Variants in CDH13 observed in about 807,000 individuals in gnomAD.
CDH13 encodes the protein cadherin 13.
In CDH13, 24 loss-of-function variants were observed where a neutral mutation model predicts 63.8. That is an observed-to-expected ratio of 0.38 (90% CI 0.27 to 0.53). CDH13 has a LOEUF of 0.53. Ranked by LOEUF, CDH13 falls within the 20% of genes least tolerant of loss-of-function variation. CDH13 has a pLI of 0.85. For missense variants in CDH13, 1,049 were observed against 903.1 expected (o/e 1.16, Z -2.07); for synonymous variants, 503 against 355.3 (o/e 1.42, Z -4.67).
intron 6 of CDH13, among the ~76,000 whole-genome samples, chr16:83,417,540 G>A (rs2071586825): frequency 6.6e-6 from 1 of 152,090 alleles, no homozygotes; most frequent in South Asian, 2.1e-4. Context: ...CACCTCAGTT[G>A]CCATTTGGAA....
chr16:83,521,053 G>C (rs1359782576), intron 7 of CDH13, among the ~76,000 whole-genome samples: 1 of 152,056 alleles, frequency 6.6e-6, no homozygotes, highest in African/African-American at 2.4e-5. Context: ...TATACTTCAT[G>C]TGCTTTTTAA....
intron 2 of CDH13, among the ~76,000 whole-genome samples, chr16:82,945,402 G>A (rs78405329): frequency 1.6e-3 from 246 of 152,282 alleles, no homozygotes; most frequent in Non-Finnish European, 2.8e-3. Flanking sequence ...GATCAAGTAC[G>A]AAATGGATAT....
chr16:82,889,312 C>A (rs1567633313), intron 2 of CDH13, among the ~76,000 whole-genome samples: 1 of 152,070 alleles, frequency 6.6e-6, no homozygotes, highest in East Asian at 1.9e-4. Flanking sequence ...CTCTCTCTCT[C>A]TCTCTCTCTC....
At chr16:83,422,969 T>C (rs2071761555) in intron 6 of CDH13, among the ~76,000 whole-genome samples, 1 of 152,206 alleles carries the variant, frequency 6.6e-6, no homozygotes, top group East Asian at 1.9e-4. Context: ...TGCCAAATAC[T>C]AGGAATACAA....
intron 6 of CDH13, among the ~76,000 whole-genome samples, chr16:83,384,011 C>T (rs954233658): frequency 5.9e-5 from 9 of 152,144 alleles, no homozygotes; most frequent in African/African-American, 2.2e-4. Context: ...CACATATATA[C>T]ACATGGGTAC....
chr16:83,521,684 G>A (rs994511569), intron 7 of CDH13, among the ~76,000 whole-genome samples: 8 of 152,134 alleles, frequency 5.3e-5, no homozygotes, highest in Non-Finnish European at 8.8e-5. Context: ...AGCCACCCCC[G>A]GAAAAGAACA....
chr16:82,957,194 C>G (rs1046494429), intron 2 of CDH13, among the ~76,000 whole-genome samples: 2 of 152,190 alleles, frequency 1.3e-5, no homozygotes, highest in African/African-American at 4.8e-5. Context: ...GTTGCATCTA[C>G]CACCTCTCCT....
intron 3 of CDH13, among the ~76,000 whole-genome samples, chr16:83,038,819 A>G (rs953687230): frequency 5.3e-5 from 8 of 152,230 alleles, no homozygotes; most frequent in Admixed American, 2.0e-4. Flanking sequence ...CTCACAAAGT[A>G]AAAACACCAT....
intron 11 of CDH13, among the ~76,000 whole-genome samples, chr16:83,773,390 G>A (rs373531259): frequency 6.6e-6 from 1 of 152,184 alleles, no homozygotes; most frequent in African/African-American, 2.4e-5. Flanking sequence ...CATGGCTGGG[G>A]AGGCCTCAGG....
rs150305659 is a variant in CDH13 at position 83,246,892 on chromosome 16, C to T, written c.636+29395C>T. Among the ~76,000 whole-genome samples the T allele has an allele frequency of 1.8e-4, 27 of 152,334 alleles. No homozygotes were observed. The East Asian group carries it at 4.8e-3, about 27-fold the overall frequency. On this transcript the variant is annotated intron_variant, in intron 5 of 13. Transcript: ENST00000567109. Reference sequence around the variant, plus strand: ...TTACAAGTGACATCTTCTGTTCCTGCATGCTAAAATGCCCGTGACTTCTCT... The same window carrying T: ...TTACAAGTGACATCTTCTGTTCCTGTATGCTAAAATGCCCGTGACTTCTCT...
At chr16:82,995,833 A>G (rs1227082683) in intron 2 of CDH13, among the ~76,000 whole-genome samples, 1 of 152,188 alleles carries the variant, frequency 6.6e-6, no homozygotes, top group Non-Finnish European at 1.5e-5. Flanking sequence ...GAGGAGAAAG[A>G]TGATTCAACC....
chr16:83,029,214 A>G (rs966641683), intron 2 of CDH13, among the ~76,000 whole-genome samples: 1 of 152,210 alleles, frequency 6.6e-6, no homozygotes, highest in Admixed American at 6.5e-5. Flanking sequence ...CCCAGAGTAG[A>G]AATATCAGTT....
intron 1 of CDH13, among the ~76,000 whole-genome samples, chr16:82,715,883 T>A (rs976088147): frequency 6.6e-6 from 1 of 152,176 alleles, no homozygotes; most frequent in Non-Finnish European, 1.5e-5. Context: ...CCAGTCCAAC[T>A]CCAGGAATGC....
At chr16:82,683,469 A>G (rs904444858) in intron 1 of CDH13, among the ~76,000 whole-genome samples, 2 of 152,230 alleles carry the variant, frequency 1.3e-5, no homozygotes, top group African/African-American at 4.8e-5. Context: ...GGATGGCCGT[A>G]TGGTGAGAGA....
intron 5 of CDH13, among the ~76,000 whole-genome samples, chr16:83,337,025 C>G (rs910776254): frequency 1.3e-5 from 2 of 152,146 alleles, no homozygotes; most frequent in East Asian, 1.9e-4. Context: ...AAATGAAGGG[C>G]AAGCTGTTAA....
At chr16:83,576,189 A>G (rs9937736) in intron 7 of CDH13, among the ~76,000 whole-genome samples, 22,177 of 152,192 alleles carry the variant, frequency 0.15, 1,681 homozygotes, top group Non-Finnish European at 0.16. Flanking sequence ...GTCCCTGGCT[A>G]AAAACAACCT....
At chr16:82,861,552 T>A (rs2039946164) in intron 2 of CDH13, among the ~76,000 whole-genome samples, 1 of 152,226 alleles carries the variant, frequency 6.6e-6, no homozygotes, top group African/African-American at 2.4e-5. Context: ...GACAGTAATA[T>A]TTCCTTTTAT....
chr16:83,229,632 T>G (rs1362618410), intron 5 of CDH13, among the ~76,000 whole-genome samples: 1 of 152,202 alleles, frequency 6.6e-6, no homozygotes, highest in Non-Finnish European at 1.5e-5. Flanking sequence ...GCGTATCTTT[T>G]CTCCCAGTGA....
chr16:83,762,304 AAT>A (rs1280422747), intron 11 of CDH13, among the ~76,000 whole-genome samples: 7 of 152,154 alleles, frequency 4.6e-5, no homozygotes, highest in Non-Finnish European at 1.0e-4. Context: ...GAAAGGTCAA[AAT>A]AGTGCCTTCA....
Sources: allele counts gnomAD v4.1 joint callset (sites outside exome capture counted in the v4.1 genomes callset), GRCh38; gene constraint gnomAD v4.1.1; transcripts MANE v1.5; gene names NCBI Gene and HGNC (gene_info 2026-07-23, HGNC 2026-07-21).